Variants in CNTN4 observed in about 807,000 individuals in gnomAD.
CNTN4 encodes the protein contactin-4.
Under a neutral mutation model 122.5 loss-of-function variants are expected in CNTN4, and 77 were observed. The ratio of observed to expected loss-of-function variants is 0.63; its 90% CI spans 0.52 to 0.76. CNTN4 has a LOEUF of 0.76. Ranked by LOEUF, CNTN4 falls within the 30% of genes least tolerant of loss-of-function variation. The probability of loss-of-function intolerance (pLI) is 0.00; values close to 1 mark genes in which losing one functional copy is unlikely to be tolerated. For missense variants in CNTN4, 1,256 were observed against 1,259.1 expected (o/e 1.00, Z 0.04); for synonymous variants, 512 against 447.0 (o/e 1.15, Z -1.83).
intron 14 of CNTN4, among the ~76,000 whole-genome samples, chr3:3,017,395 A>G (rs548793684): frequency 1.8e-4 from 28 of 152,272 alleles, no homozygotes; most frequent in Non-Finnish European, 3.4e-4. Flanking sequence ...GTAGACACTT[A>G]GGAACAAACT....
At position 2,502,118 on chromosome 3, in the gene CNTN4, C is replaced by G. The variant is rs187062666; in HGVS notation, c.-88-69298C>G. Among the ~76,000 whole-genome samples, 733 of 152,142 alleles carry G rather than the reference C, an allele frequency of 4.8e-3. 5 individuals are homozygous for G. The highest frequency in any genetic ancestry group is 0.017 in the African/African-American group (704 of 41,490). ...TTTGAAATTTGAAACACCTCTGGCC[C>G]CAAGCATTTTGGATAACAGATACTC... On this transcript the variant is annotated intron_variant, in intron 3 of 24. Coordinates refer to ENST00000418658, the MANE Select transcript of CNTN4 (RefSeq NM_175607.3).
chr3:2,828,891 C>T (rs1303214487), intron 7 of CNTN4, among the ~76,000 whole-genome samples: 1 of 152,120 alleles, frequency 6.6e-6, no homozygotes, highest in African/African-American at 2.4e-5. Flanking sequence ...GCATGAGCCA[C>T]CACACCAGGC....
intron 4 of CNTN4, among the ~76,000 whole-genome samples, chr3:2,675,739 T>C (rs2150419963): frequency 6.6e-6 from 1 of 152,282 alleles, no homozygotes; most frequent in Middle Eastern, 3.4e-3. Context: ...ACCCAGGTCT[T>C]GAGAGCAGCA....
At chr3:2,236,876 T>C (rs1030365075) in intron 2 of CNTN4, among the ~76,000 whole-genome samples, 4 of 152,002 alleles carry the variant, frequency 2.6e-5, no homozygotes, top group Admixed American at 6.5e-5. Flanking sequence ...GGAGATAGAA[T>C]GAGTAGGCAG....
chr3:2,738,277 G>C (rs1488803043), intron 5 of CNTN4, among the ~76,000 whole-genome samples: 4 of 152,108 alleles, frequency 2.6e-5, no homozygotes, highest in Admixed American at 2.6e-4. Context: ...CATTCAAAGA[G>C]ATCACAAACT....
chr3:2,986,618 A>G (rs1252466798), intron 13 of CNTN4, among the ~76,000 whole-genome samples: 1 of 152,190 alleles, frequency 6.6e-6, no homozygotes, highest in African/African-American at 2.4e-5. Flanking sequence ...GTGTTTTTAT[A>G]ATGCTTGCTC....
chr3:3,040,647 A>G (rs1700077978), intron 20 of CNTN4, among the ~76,000 whole-genome samples: 1 of 152,212 alleles, frequency 6.6e-6, no homozygotes, highest in Non-Finnish European at 1.5e-5. Flanking sequence ...CATAAAGCAT[A>G]TGGTACTTGT....
chr3:2,571,402 C>T lies in CNTN4; in HGVS notation c.-88-14C>T, dbSNP rs1187865452. On this transcript the variant is annotated splice_polypyrimidine_tract_variant and intron_variant, in intron 3 of 24. Coordinates refer to ENST00000418658, the MANE Select transcript of CNTN4 (RefSeq NM_175607.3). ...ATTCCCAAATCTCATTGTAATGTCT[C>T]TTCTTTCCCACAGATTAAAGGTTAT... 5 of 834,578 alleles carry T rather than the reference C, an allele frequency of 6.0e-6. No homozygotes were observed. Among genetic ancestry groups the T allele is most frequent in the Non-Finnish European group, 1.0e-5 (5 of 478,590 alleles). The allele number at this position is 834,578 out of a possible 1,614,324, so 51.7% of individuals were successfully genotyped here.
chr3:2,556,021 G>A (rs928971083), intron 3 of CNTN4, among the ~76,000 whole-genome samples: 71 of 152,110 alleles, frequency 4.7e-4, no homozygotes, highest in African/African-American at 1.7e-3. Context: ...CAAGAGCTAC[G>A]TAATGTTTTT....
intron 2 of CNTN4, among the ~76,000 whole-genome samples, chr3:2,296,017 G>C (rs1338343672): frequency 6.6e-6 from 1 of 152,096 alleles, no homozygotes; most frequent in African/African-American, 2.4e-5. Context: ...TGAGGGCTCT[G>C]TTCTGTTCCA....
rs574968180 is a variant in CNTN4, at chr3:3,009,941, T to C, written c.1487-16161T>C. On this transcript the variant is annotated intron_variant, in intron 14 of 24. Coordinates refer to ENST00000418658, the MANE Select transcript of CNTN4 (RefSeq NM_175607.3). ...CCCACATTAATATTTCGGTGTTTCC[T>C]TTTCGGCTGATCGCTACCTAGAGAA... is the stretch of plus-strand genomic sequence containing the variant. Among the ~76,000 whole-genome samples the C allele has an allele frequency of 2.0e-5, 3 of 151,464 alleles. No individual in the cohort carries two copies. In the South Asian group the frequency reaches 6.2e-4, roughly 31 times the overall value.
At chr3:2,555,905 T>C (rs977176826) in intron 3 of CNTN4, among the ~76,000 whole-genome samples, 1 of 152,174 alleles carries the variant, frequency 6.6e-6, no homozygotes, top group Non-Finnish European at 1.5e-5. Flanking sequence ...TTTCTGAAGC[T>C]GTTATGAAGC....
intron 2 of CNTN4, among the ~76,000 whole-genome samples, chr3:2,334,841 G>T (rs1178541): frequency 6.6e-6 from 1 of 151,892 alleles, no homozygotes; most frequent in Non-Finnish European, 1.5e-5. Flanking sequence ...GAACATGTTC[G>T]TTAGAATTAT....
intron 2 of CNTN4, among the ~76,000 whole-genome samples, chr3:2,239,279 A>G (rs1462746572): frequency 6.6e-6 from 1 of 152,150 alleles, no homozygotes; most frequent in Non-Finnish European, 1.5e-5. Flanking sequence ...ATTTATGCGG[A>G]CGATCCTTGG....
chr3:2,914,174 A>C (rs2094330252), intron 12 of CNTN4, among the ~76,000 whole-genome samples: 2 of 152,192 alleles, frequency 1.3e-5, no homozygotes, highest in South Asian at 4.1e-4. Context: ...GAGGGAGGTT[A>C]ATAATGATAC....
At position 2,595,709 on chromosome 3, in the gene CNTN4, A is replaced by G. The variant is rs535673753; in HGVS notation, c.55+24151A>G. Among the ~76,000 whole-genome samples the G allele has an allele frequency of 1.6e-4, 25 of 152,292 alleles. No homozygotes were observed. In the South Asian group the frequency reaches 5.0e-3, roughly 30 times the overall value. On this transcript the variant is annotated intron_variant, in intron 4 of 24. Transcript: ENST00000418658. ...GTAGCCCCTCCTACTGGGAGAAGGT[A>G]GGATATCCCTGGCTGTAGTTGTCAT...
intron 4 of CNTN4, among the ~76,000 whole-genome samples, chr3:2,608,840 G>A (rs2149805791): frequency 6.6e-6 from 1 of 152,332 alleles, no homozygotes; most frequent in South Asian, 2.1e-4. Flanking sequence ...AGAAAAGGAA[G>A]TTGTGGCATG....
intron 6 of CNTN4, among the ~76,000 whole-genome samples, chr3:2,747,940 T>G (rs2089885101): frequency 6.7e-6 from 1 of 149,992 alleles, no homozygotes; most frequent in South Asian, 2.1e-4. Flanking sequence ...CAATTCTTAC[T>G]TTAAAGATGC....
At chr3:2,546,883 C>A (rs540199334) in intron 3 of CNTN4, among the ~76,000 whole-genome samples, 1 of 151,976 alleles carries the variant, frequency 6.6e-6, no homozygotes, top group East Asian at 1.9e-4. Flanking sequence ...TCATTCCGAG[C>A]GGATGTTCTA....
Sources: gnomAD v4.1 joint callset for allele counts (sites outside exome capture counted in the v4.1 genomes callset) on GRCh38, gnomAD v4.1.1 for gene constraint, MANE v1.5 for transcripts, NCBI Gene and HGNC (gene_info 2026-07-23, HGNC 2026-07-21) for gene names.